Variants in LRRTM3 observed in about 807,000 individuals in gnomAD.
LRRTM3 encodes the protein leucine-rich repeat transmembrane neuronal protein 3.
In LRRTM3, 24 loss-of-function variants were observed where a neutral mutation model predicts 44.7. The ratio of observed to expected loss-of-function variants is 0.54; its 90% CI spans 0.39 to 0.76. The LOEUF is 0.76. LRRTM3 is among the 30% of genes least tolerant of loss of function. LRRTM3 has a pLI of 0.00. For synonymous variants in LRRTM3, 277 were observed against 278.7 expected, an observed-to-expected ratio of 0.99 and a Z score of 0.06; for missense variants, 587 against 702.2, an observed-to-expected ratio of 0.84 and a Z score of 1.85.
chr10:66,975,181 T>C (rs1355883936), intron 2 of LRRTM3, among the ~76,000 whole-genome samples: 1 of 152,216 alleles, frequency 6.6e-6, no homozygotes, highest in East Asian at 1.9e-4. Flanking sequence ...ATTCTGCAAT[T>C]GATAGCTAGC....
Position 67,098,904 on chromosome 10 carries a change from C to A in LRRTM3, c.*1108C>A, listed in dbSNP as rs1262325065. On this transcript the variant is annotated 3_prime_UTR_variant, in exon 3 of 3. Coordinates refer to ENST00000361320, the MANE Select transcript of LRRTM3 (RefSeq NM_178011.5). ...CAACTTTTTATTTAGAACTGTGAGA[C>A]CGGTATTTTGGAAACATTTCAAAGG... 6.6e-6 allele frequency: 1 copy of A among 151,732 alleles called. No individual in the cohort carries two copies. Among genetic ancestry groups the A allele is most frequent in the Non-Finnish European group, 1.5e-5 (1 of 67,852 alleles). 9.4% of individuals were successfully genotyped at this position (151,732 alleles called of 1,614,324 possible). A position where few individuals can be genotyped will look rare whatever the true frequency, so the allele number is the denominator to read the frequency against.
At chr10:66,980,164 A>G (rs561979237) in intron 2 of LRRTM3, among the ~76,000 whole-genome samples, 2 of 152,316 alleles carry the variant, frequency 1.3e-5, no homozygotes, top group African/African-American at 2.4e-5. Flanking sequence ...CACAAGTTAT[A>G]GGTAAATGTC....
At chr10:67,036,081 T>C (rs1854033566) in intron 2 of LRRTM3, among the ~76,000 whole-genome samples, 1 of 152,190 alleles carries the variant, frequency 6.6e-6, no homozygotes, top group Non-Finnish European at 1.5e-5. Context: ...CTTATTTCTA[T>C]TAGAGATATT....
intron 2 of LRRTM3, among the ~76,000 whole-genome samples, chr10:67,002,244 C>T (rs947071408): frequency 1.4e-4 from 22 of 152,104 alleles, no homozygotes; most frequent in Non-Finnish European, 4.4e-5. Context: ...TATTTCTTAT[C>T]TATAATATTC....
chr10:66,991,326 C>T (rs1851023751), intron 2 of LRRTM3, among the ~76,000 whole-genome samples: 1 of 152,030 alleles, frequency 6.6e-6, no homozygotes, highest in Admixed American at 6.6e-5. Flanking sequence ...AATTAGTTTG[C>T]TTTTCTGAAA....
intron 2 of LRRTM3, among the ~76,000 whole-genome samples, chr10:67,038,674 T>G (rs116838787): frequency 0.012 from 1,837 of 152,174 alleles, 47 homozygotes; most frequent in African/African-American, 0.042. Context: ...CTTACAAAAT[T>G]TTCCTATCAA....
intron 2 of LRRTM3, among the ~76,000 whole-genome samples, chr10:67,050,716 T>C (rs1855037264): frequency 6.6e-6 from 1 of 152,218 alleles, no homozygotes; most frequent in Admixed American, 6.5e-5. Context: ...TCCTCTCAGA[T>C]TGAAAGCAGA....
At chr10:67,047,939 C>CAGATA (rs760286798) in intron 2 of LRRTM3, among the ~76,000 whole-genome samples, 14 of 151,992 alleles carry the variant, frequency 9.2e-5, no homozygotes, top group Non-Finnish European at 1.5e-5. Flanking sequence ...CTTGGATTAG[C>CAGATA]AGATAAGCTT....
At chr10:67,057,876 A>G (rs1855533684) in intron 2 of LRRTM3, among the ~76,000 whole-genome samples, 1 of 152,094 alleles carries the variant, frequency 6.6e-6, no homozygotes, top group African/African-American at 2.4e-5. Context: ...TTCATACTCT[A>G]CCCCACAAAT....
chr10:67,065,861 G>A (rs2133234991), intron 2 of LRRTM3, among the ~76,000 whole-genome samples: 1 of 152,022 alleles, frequency 6.6e-6, no homozygotes, highest in Admixed American at 6.5e-5. Context: ...ACATAATTCA[G>A]TAGGACCTCA....
chr10:67,086,573 T>A (rs911469349), intron 2 of LRRTM3, among the ~76,000 whole-genome samples: 7 of 151,918 alleles, frequency 4.6e-5, no homozygotes, highest in African/African-American at 1.7e-4. Context: ...GTCAAAAACG[T>A]AGTCTGTTTT....
intron 2 of LRRTM3, among the ~76,000 whole-genome samples, chr10:67,027,436 C>CTTTTTT (rs5785811): frequency 1.5e-5 from 2 of 134,358 alleles, no homozygotes; most frequent in Non-Finnish European, 3.1e-5. Context: ...TCTTTCATGA[C>CTTTTTT]TTTTTTTTTT....
intron 2 of LRRTM3, among the ~76,000 whole-genome samples, chr10:66,950,785 T>A (rs1848498896): frequency 6.6e-6 from 1 of 151,928 alleles, no homozygotes; most frequent in African/African-American, 2.4e-5. Context: ...AAAGCATGAG[T>A]TCATATAAGG....
At chr10:67,072,259 G>C (rs2131851224) in intron 2 of LRRTM3, among the ~76,000 whole-genome samples, 1 of 152,144 alleles carries the variant, frequency 6.6e-6, no homozygotes. Flanking sequence ...CAACCTGTTT[G>C]ATTATTTTCT....
In LRRTM3 at chr10:67,097,603, A is replaced by G; in HGVS notation, c.1553A>G (p.Asn518Ser). ...SRECEIPLSM[N>S]VSTFLAYDQP... ...TTTCCCCAGATACCTTTATCAATGA[A>G]TGTGTCAACCTTTCTGGCATACGAC... is the stretch of plus-strand genomic sequence containing the variant. The change falls in exon 3 of 3, where the codon AAT (asparagine) becomes AGT (serine). Residue 518 changes from asparagine (N) to serine (S), a missense_variant. Physicochemically the swap from Asn to Ser is conservative, Grantham distance 46 (BLOSUM62 1). Coordinates refer to ENST00000361320, the MANE Select transcript of LRRTM3 (RefSeq NM_178011.5). 6.2e-7 allele frequency: 1 copy of G among 1,612,294 alleles called. No homozygotes were observed. Among genetic ancestry groups the G allele is most frequent in the African/African-American group, 1.3e-5 (1 of 74,902 alleles).
chr10:66,944,568 T>C (rs1848184856), intron 2 of LRRTM3, among the ~76,000 whole-genome samples: 3 of 152,186 alleles, frequency 2.0e-5, no homozygotes, highest in Admixed American at 2.0e-4. Flanking sequence ...ATGGTGACTC[T>C]TACCTTAAAG....
intron 2 of LRRTM3, among the ~76,000 whole-genome samples, chr10:66,929,499 A>T (rs1175993270): frequency 6.6e-6 from 1 of 152,192 alleles, no homozygotes; most frequent in Non-Finnish European, 1.5e-5. Flanking sequence ...TCCCCTAATG[A>T]CAGACACTTC....
intron 2 of LRRTM3, among the ~76,000 whole-genome samples, chr10:66,938,145 T>C (rs1186419002): frequency 1.3e-5 from 2 of 152,172 alleles, no homozygotes; most frequent in Non-Finnish European, 2.9e-5. Flanking sequence ...AACCTTATAT[T>C]TCTTTGTGTA....
At position 67,023,852 on chromosome 10, in the gene LRRTM3, T is replaced by G. The variant is rs1564838519; in HGVS notation, c.1537-73735T>G. ...AGTTTTACAATTTTGCTACAGATTA[T>G]GTAACTTCAGGTAGAATGACACTCA... On this transcript the variant is annotated intron_variant, in intron 2 of 2. Transcript: ENST00000361320. 2.6e-5 allele frequency among the ~76,000 whole-genome samples: 4 copies of G among 152,224 alleles called. No individual in the cohort carries two copies. The South Asian group carries it at 8.3e-4, about 31-fold the overall frequency.
Sources: gnomAD v4.1 joint callset for allele counts (sites outside exome capture counted in the v4.1 genomes callset) on GRCh38, gnomAD v4.1.1 for gene constraint, MANE v1.5 for transcripts, NCBI Gene and HGNC (gene_info 2026-07-23, HGNC 2026-07-21) for gene names.